The following ZNF184 variants were observed in gnomAD, a reference collection of about 807,000 sequenced individuals.
ZNF184 encodes zinc finger protein 184 (Kruppel-like).
ZNF184 carries 16 observed loss-of-function variants against 54.4 expected under a neutral mutation model. The observed-to-expected ratio is 0.29, with a 90% confidence interval of 0.20 to 0.45. The LOEUF (loss-of-function observed/expected upper bound fraction) is 0.45, where lower values mean the gene tolerates loss of function less well. Among genes scored for constraint, ZNF184 ranks in the 20% least tolerant of loss-of-function variants. The pLI, the probability that ZNF184 is intolerant of heterozygous loss-of-function variation, is 1.00. For synonymous variants in ZNF184, 254 were observed against 295.3 expected (o/e 0.86, Z 1.43); for missense variants, 681 against 888.2 (o/e 0.77, Z 2.97).
the ZNF184 span, among the ~76,000 whole-genome samples, chr6:27,424,635 A>T: frequency 1.3e-5 from 2 of 152,188 alleles, no homozygotes; most frequent in African/African-American, 4.8e-5. Context: ...AGCTAGACAC[A>T]GGGTGCTGAT....
chr6:27,433,463 A>G, the ZNF184 span, among the ~76,000 whole-genome samples: 1 of 152,178 alleles, frequency 6.6e-6, no homozygotes, highest in African/African-American at 2.4e-5. Context: ...TCCAAACAGA[A>G]ATTTTCTGTC....
chr6:27,427,631 C>T, the ZNF184 span, among the ~76,000 whole-genome samples: 5 of 152,200 alleles, frequency 3.3e-5, no homozygotes, highest in African/African-American at 1.2e-4. Flanking sequence ...CTGCACAGGG[C>T]CTTCCTCCTG....
chr6:27,417,926 C>T, the ZNF184 span, among the ~76,000 whole-genome samples: 1 of 152,204 alleles, frequency 6.6e-6, no homozygotes, highest in Non-Finnish European at 1.5e-5. Context: ...AGATGCCTCA[C>T]TAGTGTCATA....
At chr6:27,427,116 T>TAAAAAAA in the ZNF184 span, among the ~76,000 whole-genome samples, 127 of 106,842 alleles carry the variant, frequency 1.2e-3, 3 homozygotes, top group South Asian at 2.0e-3. Flanking sequence ...ACACTCTATG[T>TAAAAAAA]AAAAAAAAAA....
Position 27,453,912 on chromosome 6 carries a change from G to C in ZNF184, c.299-652C>G, listed in dbSNP as rs1158903314. 1.3e-5 allele frequency among the ~76,000 whole-genome samples: 2 copies of C among 152,090 alleles called. No homozygotes were observed. The highest frequency in any genetic ancestry group is 2.9e-5 in the Non-Finnish European group (2 of 68,020). ...AGGATGTTCAAATGTAGGATGGAAAGTATCAGCTCAAAAAAAGAAGGACAA... is the reference window on the plus strand; with the variant it reads ...AGGATGTTCAAATGTAGGATGGAAACTATCAGCTCAAAAAAAGAAGGACAA... On this transcript the variant is annotated intron_variant, in intron 5 of 5. Transcript: ENST00000683788. This position sits in a 1 kb window ranked among gnomAD's most constrained non-coding sequence, Gnocchi z 4.7.
chr6:27,459,966 C>A (rs1762957047), intron 3 of ZNF184, among the ~76,000 whole-genome samples: 1 of 152,076 alleles, frequency 6.6e-6, no homozygotes, highest in African/African-American at 2.4e-5. Context: ...AGTTCAAGAC[C>A]AGCCTGCGCA....
chr6:27,423,893 GCTTT>G, the ZNF184 span, among the ~76,000 whole-genome samples: 2 of 152,074 alleles, frequency 1.3e-5, no homozygotes, highest in African/African-American at 4.8e-5. Flanking sequence ...TTCTTTGCAG[GCTTT>G]CTGTTTATTT....
the ZNF184 span, chr6:27,407,805 G>A: frequency 1.3e-6 from 1 of 778,396 alleles, no homozygotes. Context: ...CGATTATGAT[G>A]GCAATTATTT....
At chr6:27,439,227 T>C in the ZNF184 span, among the ~76,000 whole-genome samples, 1 of 152,230 alleles carries the variant, frequency 6.6e-6, no homozygotes, top group Non-Finnish European at 1.5e-5. Flanking sequence ...ACCAGATTTG[T>C]ACAGTAGCCC....
the ZNF184 span, among the ~76,000 whole-genome samples, chr6:27,422,812 A>G: frequency 6.6e-6 from 1 of 152,200 alleles, no homozygotes; most frequent in African/African-American, 2.4e-5. Flanking sequence ...TTGTCAAACA[A>G]GGGCTCCAAA....
At chr6:27,460,870 C>G (rs894723246) in intron 3 of ZNF184, among the ~76,000 whole-genome samples, 2 of 152,172 alleles carry the variant, frequency 1.3e-5, no homozygotes, top group Non-Finnish European at 2.9e-5. Flanking sequence ...CTGGTTGGCT[C>G]ATTCCTTGCT....
downstream of ZNF184, among the ~76,000 whole-genome samples, chr6:27,445,916 G>C (rs1248929935): frequency 2.0e-5 from 3 of 152,170 alleles, no homozygotes; most frequent in Non-Finnish European, 4.4e-5. Flanking sequence ...GGGATATCTG[G>C]TGGAAGAAAT....
intron 3 of ZNF184, among the ~76,000 whole-genome samples, chr6:27,466,631 A>G (rs966604733): frequency 2.0e-5 from 3 of 152,058 alleles, no homozygotes; most frequent in Non-Finnish European, 4.4e-5. Context: ...ATCAAATTAT[A>G]TATTTTTAAA....
chr6:27,436,226 C>T, the ZNF184 span, among the ~76,000 whole-genome samples: 12 of 152,020 alleles, frequency 7.9e-5, no homozygotes, highest in East Asian at 7.7e-4. Flanking sequence ...CCAGGTGGCA[C>T]GATCTCAGCT....
At chr6:27,464,182 G>T (rs1439815997) in intron 3 of ZNF184, among the ~76,000 whole-genome samples, 3 of 152,058 alleles carry the variant, frequency 2.0e-5, no homozygotes, top group Non-Finnish European at 4.4e-5. Context: ...TTATAAAAAT[G>T]AATAAAGAAT....
At chr6:27,412,805 T>G in the ZNF184 span, among the ~76,000 whole-genome samples, 1 of 152,212 alleles carries the variant, frequency 6.6e-6, no homozygotes, top group Non-Finnish European at 1.5e-5. Context: ...GCCCAGAAGT[T>G]TGAGGCTTCA....
the ZNF184 span, among the ~76,000 whole-genome samples, chr6:27,444,397 C>T: frequency 6.6e-6 from 1 of 152,020 alleles, no homozygotes; most frequent in Non-Finnish European, 1.5e-5. Flanking sequence ...CCTATTTATC[C>T]CTTCTCCTTT....
the ZNF184 span, chr6:27,404,552 T>A: frequency 6.6e-6 from 1 of 152,230 alleles, no homozygotes; most frequent in Non-Finnish European, 1.5e-5. Flanking sequence ...AGTACAGTTA[T>A]GAACCACACA....
chr6:27,467,775 T>G, intron 3 of ZNF184, 78 bp downstream of exon 3: 1 of 1,385,352 alleles, frequency 7.2e-7, no homozygotes, highest in Non-Finnish European at 9.9e-7. Flanking sequence ...TTTGGATAAA[T>G]AGAAAAAACA....
Sources: allele counts gnomAD v4.1 joint callset (sites outside exome capture counted in the v4.1 genomes callset), GRCh38; gene constraint gnomAD v4.1.1; non-coding constraint Gnocchi (gnomAD v3.1); transcripts MANE v1.5; gene names NCBI Gene and HGNC (gene_info 2026-07-23, HGNC 2026-07-21).